Variants in CACNA1C observed in about 807,000 individuals in gnomAD.
CACNA1C encodes voltage-dependent L-type calcium channel subunit alpha-1C.
In CACNA1C, 30 loss-of-function variants were observed where a neutral mutation model predicts 229.0. The observed-to-expected ratio is 0.13, with a 90% CI of 0.10 to 0.18. The LOEUF is 0.18. CACNA1C is among the 10% of genes least tolerant of loss of function. CACNA1C has a pLI of 1.00. For missense variants in CACNA1C, 1,658 were observed against 2,845.0 expected (o/e 0.58, Z 9.49); for synonymous variants, 1,114 against 1,132.5 (o/e 0.98, Z 0.33).
intron 3 of CACNA1C, among the ~76,000 whole-genome samples, chr12:2,305,018 A>G (rs898747210): frequency 1.1e-4 from 16 of 152,178 alleles, no homozygotes; most frequent in Non-Finnish European, 2.1e-4. Flanking sequence ...TTGCAGGATG[A>G]TAACTGCCTC....
In CACNA1C at chr12:2,512,540, G is replaced by A. The variant is rs916076739; in HGVS notation, c.1218-272G>A. ...TGATCATGATCCAGGAAAAGAGGGAGATGGACTTCATCCATCCCCTTAAGC... is the reference window on the plus strand; with the variant it reads ...TGATCATGATCCAGGAAAAGAGGGAAATGGACTTCATCCATCCCCTTAAGC... On this transcript the variant is annotated intron_variant, in intron 8 of 46. Coordinates refer to ENST00000399655, the MANE Select transcript of CACNA1C (RefSeq NM_000719.7). This position sits in a 1 kb window ranked among gnomAD's most constrained non-coding sequence, Gnocchi z 4.3. Among the ~76,000 whole-genome samples the A allele has an allele frequency of 6.6e-6, 1 of 152,126 alleles. No homozygotes were observed. Among genetic ancestry groups the A allele is most frequent in the Non-Finnish European group, 1.5e-5 (1 of 68,030 alleles).
Position 2,128,798 on chromosome 12 carries a change from T to C in CACNA1C, c.477+8368T>C, listed in dbSNP as rs569898554. On this transcript the variant is annotated intron_variant, in intron 3 of 46. Coordinates refer to ENST00000399655, the MANE Select transcript of CACNA1C (RefSeq NM_000719.7). ...ATGACTTCACACCATGTGCAGATGC[T>C]GTCCTAAGTGCCTTGCGTATAAATG... Among the ~76,000 whole-genome samples, 5 of 152,356 alleles carry C rather than the reference T, an allele frequency of 3.3e-5. No homozygotes were observed. In the South Asian group the frequency reaches 1.0e-3, roughly 32 times the overall value.
chr12:2,238,064 G>T (rs1217778843), intron 3 of CACNA1C, among the ~76,000 whole-genome samples: 1 of 152,166 alleles, frequency 6.6e-6, no homozygotes, highest in Non-Finnish European at 1.5e-5. Context: ...ACAATCCCAC[G>T]GGTGGCAGAG....
intron 3 of CACNA1C, among the ~76,000 whole-genome samples, chr12:2,208,129 A>G (rs1017071729): frequency 5.9e-5 from 9 of 152,188 alleles, no homozygotes; most frequent in African/African-American, 1.4e-4. Flanking sequence ...CAGTTTCTCA[A>G]TGAATGTTCC....
chr12:2,691,468 G>C lies in CACNA1C; in HGVS notation c.*269G>C. ...CCCTCTCCCAGCTCGCAGGCCCCGG[G>C]CCCGGCCGCGCCTCCGCGGGGAGAG... On this transcript the variant is annotated 3_prime_UTR_variant, in exon 47 of 47. Coordinates refer to ENST00000399655, the MANE Select transcript of CACNA1C (RefSeq NM_000719.7). 2.7e-6 allele frequency: 1 copy of C among 370,932 alleles called. No individual in the cohort carries two copies. The highest frequency in any genetic ancestry group is 4.8e-6 in the Non-Finnish European group (1 of 210,086). 23.0% of individuals were successfully genotyped at this position (370,932 alleles called of 1,614,324 possible).
intron 3 of CACNA1C, among the ~76,000 whole-genome samples, chr12:2,334,439 G>A (rs1039151617): frequency 1.3e-5 from 2 of 152,278 alleles, no homozygotes; most frequent in Admixed American, 1.3e-4. Context: ...AGCAGACTGG[G>A]CACATGTCCT....
chr12:2,261,287 A>G (rs1244974502), intron 3 of CACNA1C, among the ~76,000 whole-genome samples: 1 of 152,346 alleles, frequency 6.6e-6, no homozygotes, highest in Non-Finnish European at 1.5e-5. Flanking sequence ...AACATAAGCA[A>G]TATTGTTTCT....
Position 2,297,112 on chromosome 12 carries a change from G to A in CACNA1C, c.478-151864G>A, listed in dbSNP as rs760132172. Reference sequence around the variant, plus strand: ...TCAGGTCCAGGACAGCAAAGAAACCGCTCAGTAATAGAAGCAACTCCGATT... The same window carrying A: ...TCAGGTCCAGGACAGCAAAGAAACCACTCAGTAATAGAAGCAACTCCGATT... On this transcript the variant is annotated intron_variant, in intron 3 of 46. Transcript: ENST00000399655. Among the ~76,000 whole-genome samples, 11 of 152,304 alleles carry A rather than the reference G, an allele frequency of 7.2e-5. No individual in the cohort carries two copies. In the Middle Eastern group the frequency reaches 0.017, roughly 235 times the overall value.
intron 3 of CACNA1C, among the ~76,000 whole-genome samples, chr12:2,382,014 T>C (rs1179196134): frequency 6.6e-6 from 1 of 152,206 alleles, no homozygotes; most frequent in African/African-American, 2.4e-5. Flanking sequence ...CCCATCCCTC[T>C]CTGTGTCATT....
rs181350246 is a variant in CACNA1C, at chr12:2,653,422, G to A, written c.4075-413G>A. On this transcript the variant is annotated intron_variant, in intron 32 of 46. Transcript: ENST00000399655. The surrounding 1 kb of genome is among the most constrained non-coding windows in gnomAD (Gnocchi z 4.7). ...CCCGCTCACTACAACTAGTGGGATG[G>A]AATTAAGCTGTGTAAAGAAAGGGTG... Among the ~76,000 whole-genome samples the A allele has an allele frequency of 1.5e-3, 225 of 152,244 alleles. 2 individuals carry two copies. The highest frequency in any genetic ancestry group is 2.9e-3 in the Non-Finnish European group (194 of 68,018).
Position 2,654,001 on chromosome 12 carries a change from T to A in CACNA1C, c.4140+101T>A, listed in dbSNP as rs901267910. The A allele has an allele frequency of 9.5e-6, 9 of 943,872 alleles. No individual in the cohort carries two copies. Among genetic ancestry groups the A allele is most frequent in the African/African-American group, 1.6e-5 (1 of 62,178 alleles). 58.5% of individuals were successfully genotyped at this position (943,872 alleles called of 1,614,324 possible). A position where few individuals can be genotyped will look rare whatever the true frequency, so the allele number is the denominator to read the frequency against. ...CGCCTTCCTCCCTCCCTTCTCCCTT[T>A]CATTCCTGACTGTCCCTCTCCCTCC... On this transcript the variant is annotated intron_variant, in intron 33 of 46. Coordinates refer to ENST00000399655, the MANE Select transcript of CACNA1C (RefSeq NM_000719.7). The surrounding 1 kb of genome is among the most constrained non-coding windows in gnomAD (Gnocchi z 4.4).
intron 29 of CACNA1C, among the ~76,000 whole-genome samples, chr12:2,623,148 A>C (rs991591620): frequency 1.3e-5 from 2 of 152,208 alleles, no homozygotes; most frequent in African/African-American, 4.8e-5. Flanking sequence ...AAGAAAAAAA[A>C]GTGGCAGTCT....
At chr12:2,271,084 C>CT (rs1227519781) in intron 3 of CACNA1C, among the ~76,000 whole-genome samples, 1 of 152,138 alleles carries the variant, frequency 6.6e-6, no homozygotes, top group African/African-American at 2.4e-5. Context: ...CCACAGGGTC[C>CT]TGGGCCCGAT....
intron 4 of CACNA1C, among the ~76,000 whole-genome samples, chr12:2,455,869 G>C (rs1045609555): frequency 1.3e-5 from 2 of 152,056 alleles, no homozygotes; most frequent in Non-Finnish European, 2.9e-5. Flanking sequence ...CTCCTCTCTT[G>C]ACCCCTCAAT....
At chr12:2,648,673 A>G (rs2094592177) in intron 31 of CACNA1C, among the ~76,000 whole-genome samples, 166 bp downstream of exon 31, 1 of 151,652 alleles carries the variant, frequency 6.6e-6, no homozygotes, top group Non-Finnish European at 1.5e-5. Flanking sequence ...TTCTCGTGTG[A>G]GCTGTGAAGA....
Position 2,585,969 on chromosome 12 carries a change from A to C in CACNA1C, c.2530+65A>C. ...GGGCAGAGATCTAAATTCTAAAGCC[A>C]CGTGGGAGTGGCCATATATTAGGGA... On this transcript the variant is annotated intron_variant, in intron 18 of 46. Transcript: ENST00000399655. This position sits in a 1 kb window ranked among gnomAD's most constrained non-coding sequence, Gnocchi z 4.1. The C allele has an allele frequency of 3.0e-6, 3 of 995,018 alleles. No individual in the cohort carries two copies. The highest frequency in any genetic ancestry group is 4.5e-6 in the Non-Finnish European group (3 of 669,944). 61.6% of individuals were successfully genotyped at this position (995,018 alleles called of 1,614,324 possible). A position where few individuals can be genotyped will look rare whatever the true frequency, so the allele number is the denominator to read the frequency against.
At chr12:2,655,313 T>C in intron 34 of CACNA1C, 75 bp downstream of exon 34, 1 of 921,374 alleles carries the variant, frequency 1.1e-6, no homozygotes, top group Non-Finnish European at 1.7e-6. Context: ...GGTGGTAGAA[T>C]GAAAGGGAAC....
intron 5 of CACNA1C, among the ~76,000 whole-genome samples, chr12:2,477,438 T>A (rs1327400492): frequency 6.6e-6 from 1 of 152,068 alleles, no homozygotes; most frequent in African/African-American, 2.4e-5. Context: ...AATGGAAAGG[T>A]GATGGTGGCA....
chr12:1,973,994 T>C (rs2033438906), intron 1 of CACNA1C, among the ~76,000 whole-genome samples: 1 of 152,190 alleles, frequency 6.6e-6, no homozygotes, highest in Admixed American at 6.5e-5. Flanking sequence ...TGTAGTTTTG[T>C]ATATCCTTGT....
Sources: allele counts gnomAD v4.1 joint callset (sites outside exome capture counted in the v4.1 genomes callset), GRCh38; gene constraint gnomAD v4.1.1; non-coding constraint Gnocchi (gnomAD v3.1); transcripts MANE v1.5; gene names NCBI Gene and HGNC (gene_info 2026-07-23, HGNC 2026-07-21).